CTSO: variants seen among roughly 807,000 people sequenced by gnomAD.
CTSO encodes the protein cathepsin O.
In CTSO, 40 loss-of-function variants were observed where a neutral mutation model predicts 42.4. The observed-to-expected ratio is 0.94, with a 90% CI of 0.73 to 1.23. The LOEUF is 1.23. CTSO is among the 50% of genes most tolerant of loss of function. The pLI, the probability that CTSO is intolerant of heterozygous loss-of-function variation, is 0.00. For synonymous variants in CTSO, 156 were observed against 146.2 expected, an observed-to-expected ratio of 1.07 and a Z score of -0.48; for missense variants, 441 against 396.0, an observed-to-expected ratio of 1.11 and a Z score of -0.96.
rs202122104 is a variant in CTSO at position 155,942,434 on chromosome 4, A to C, written c.267T>G (p.Pro89=). The C allele has an allele frequency of 6.5e-7, 1 of 1,548,106 alleles. No homozygotes were observed. Among genetic ancestry groups the C allele is most frequent in the Non-Finnish European group, 8.7e-7 (1 of 1,148,402 alleles). The stretch of plus-strand genomic sequence containing the variant: ...CTGCTGAGTATCTGGGAAACTTGGA[A>C]GGTTTGCTTCTTAAATAAATGGCTG... ...EFKAIYLRSK[P]SKFPRYSAEV... The change falls in exon 3 of 8, where the codon CCT becomes CCG. Residue 89 remains proline, a synonymous_variant. Coordinates refer to ENST00000433477, the MANE Select transcript of CTSO (RefSeq NM_001334.3).
chr4:155,943,146 C>G lies in CTSO; in HGVS notation c.244+10G>C. 6.6e-7 allele frequency: 1 copy of G among 1,524,700 alleles called. No homozygotes were observed. The highest frequency in any genetic ancestry group is 9.0e-7 in the Non-Finnish European group (1 of 1,112,064). The allele number at this position is 1,524,700 out of a possible 1,614,324, so 94.4% of individuals were successfully genotyped here. On this transcript the variant is annotated intron_variant, in intron 2 of 7. Transcript: ENST00000433477. ...CAGGAAACCACCTAAATAGCAACAT[C>G]GGACTATACCTTTAAACTCTTCAGG...
intron 7 of CTSO, 56 bp downstream of exon 7, chr4:155,928,280 T>C: frequency 7.7e-7 from 1 of 1,298,930 alleles, no homozygotes. Context: ...TCTAAAATAT[T>C]CAAATAATCT....
Position 155,924,242 on chromosome 4 carries a change from A to G in CTSO, c.*1794T>C, listed in dbSNP as rs893503788. 6.6e-6 allele frequency: 1 copy of G among 152,154 alleles called. No homozygotes were observed. Among genetic ancestry groups the G allele is most frequent in the African/African-American group, 2.4e-5 (1 of 41,448 alleles). The allele number at this position is 152,154 out of a possible 1,614,324, so 9.4% of individuals were successfully genotyped here. On this transcript the variant is annotated 3_prime_UTR_variant, in exon 8 of 8. Transcript: ENST00000433477. ...CCTTTAGCACTTGAAAAAGAGTATT[A>G]CAAATGCATCTATATCACATAGAAA...
At chr4:155,940,514 A>C (rs541104247) in intron 3 of CTSO, among the ~76,000 whole-genome samples, 1 of 152,208 alleles carries the variant, frequency 6.6e-6, no homozygotes, top group Non-Finnish European at 1.5e-5. Flanking sequence ...GGCATAGTAA[A>C]AACACTCACT....
Position 155,953,729 on chromosome 4 carries a change from T to G in CTSO, c.119A>C (p.Glu40Ala), listed in dbSNP as rs1262496927. ...TPTWPRSRER[E>A]AAAFRESLNR... ...GCTCGGTACCCGGAAGGCGGCGGCT[T>G]CACGCTCGCGGCTCCGCGGCCAGGT... is the stretch of plus-strand genomic sequence containing the variant. Residue 40 changes from glutamate (E) to alanine (A), a missense_variant, in exon 1 of 8, where the codon GAA (glutamate) becomes GCA (alanine). By Grantham distance (107) the Glu-to-Ala change is moderately radical (BLOSUM62 -1). Coordinates refer to ENST00000433477, the MANE Select transcript of CTSO (RefSeq NM_001334.3). 3 of 1,271,320 alleles carry G rather than the reference T, an allele frequency of 2.4e-6. No individual in the cohort carries two copies. In the African/African-American group the frequency reaches 4.6e-5, roughly 20 times the overall value. 78.8% of individuals were successfully genotyped at this position (1,271,320 alleles called of 1,614,324 possible). A position where few individuals can be genotyped will look rare whatever the true frequency, so the allele number is the denominator to read the frequency against.
intron 1 of CTSO, among the ~76,000 whole-genome samples, chr4:155,946,501 T>C (rs185728476): frequency 8.5e-5 from 13 of 152,344 alleles, no homozygotes; most frequent in African/African-American, 3.1e-4. Flanking sequence ...ATATATTTTC[T>C]ATTTGTTACC....
Position 155,929,716 on chromosome 4 carries a change from A to G in CTSO, c.675-11T>C. 3 of 1,598,416 alleles carry G rather than the reference A, an allele frequency of 1.9e-6. No individual in the cohort carries two copies. Among genetic ancestry groups the G allele is most frequent in the Non-Finnish European group, 2.6e-6 (3 of 1,174,980 alleles). On this transcript the variant is annotated splice_polypyrimidine_tract_variant and intron_variant, in intron 5 of 7. Transcript: ENST00000433477. ...TCATCTTCTTGGTCACTACCAAAAG[A>G]GGAAATATTTGGTTAGAAAATTTAG...
intron 5 of CTSO, among the ~76,000 whole-genome samples, chr4:155,936,874 T>C (rs1334639020): frequency 6.6e-6 from 1 of 152,204 alleles, no homozygotes; most frequent in Non-Finnish European, 1.5e-5. Context: ...GCTGATGTCT[T>C]GAAAAATGCA....
At chr4:155,933,387 C>T (rs908999074) in intron 5 of CTSO, among the ~76,000 whole-genome samples, 1 of 152,108 alleles carries the variant, frequency 6.6e-6, no homozygotes, top group African/African-American at 2.4e-5. Flanking sequence ...TTAAACCTTT[C>T]TCTTCCCAGT....
intron 2 of CTSO, among the ~76,000 whole-genome samples, chr4:155,942,697 G>A (rs78561730): frequency 0.069 from 10,450 of 151,814 alleles, 501 homozygotes; most frequent in South Asian, 0.17. Context: ...ATTTTCTCTT[G>A]TGCTTTTCTA....
intron 1 of CTSO, 67 bp downstream of exon 1, chr4:155,953,646 G>A: frequency 1.6e-6 from 2 of 1,230,320 alleles, no homozygotes; most frequent in Non-Finnish European, 2.0e-6. Flanking sequence ...GCCCTCTTCC[G>A]CAGCCCAGAC....
chr4:155,950,350 T>C (rs1039560619), intron 1 of CTSO, among the ~76,000 whole-genome samples: 2 of 152,234 alleles, frequency 1.3e-5, no homozygotes, highest in Non-Finnish European at 2.9e-5. Flanking sequence ...TTCTCCACTG[T>C]ATCCCTCAGA....
chr4:155,937,268 G>A lies in CTSO; in HGVS notation c.674+94C>T, dbSNP rs1022045600. On this transcript the variant is annotated intron_variant, in intron 5 of 7. Transcript: ENST00000433477. ...AAAGTATGTTTTACAAGGATTAAGAGTATGCAGTGATGCCTTCAAACAAAT... is the reference window on the plus strand; with the variant it reads ...AAAGTATGTTTTACAAGGATTAAGAATATGCAGTGATGCCTTCAAACAAAT... 2.7e-5 allele frequency: 24 copies of A among 891,230 alleles called. No individual in the cohort carries two copies. The African/African-American group carries it at 3.2e-4, about 12-fold the overall frequency. 55.2% of individuals were successfully genotyped at this position (891,230 alleles called of 1,614,324 possible).
chr4:155,939,431 C>CGTT lies in CTSO; in HGVS notation c.491_492insAAC (p.Ser164_Tyr165insThr). 1 of 1,614,068 alleles carries CGTT rather than the reference C, an allele frequency of 6.2e-7. No homozygotes were observed. Among genetic ancestry groups the CGTT allele is most frequent in the Non-Finnish European group, 8.5e-7 (1 of 1,179,958 alleles). On this transcript the variant is annotated inframe_insertion, in exon 4 of 8. Transcript: ENST00000433477. Reference sequence around the variant, plus strand: ...CTCCATTGCAGCCATAATTATTATACGAACAGTCAATGACCTGCTGGACAC... The same window carrying CGTT: ...CTCCATTGCAGCCATAATTATTATACGTTGAACAGTCAATGACCTGCTGGACAC...
intron 5 of CTSO, among the ~76,000 whole-genome samples, chr4:155,934,233 T>C (rs1316422702): frequency 6.6e-6 from 1 of 152,062 alleles, no homozygotes; most frequent in Non-Finnish European, 1.5e-5. Flanking sequence ...GCAGCTTCCA[T>C]TTGGGGTTGA....
At chr4:155,935,428 T>C (rs1743312766) in intron 5 of CTSO, among the ~76,000 whole-genome samples, 1 of 152,038 alleles carries the variant, frequency 6.6e-6, no homozygotes, top group Non-Finnish European at 1.5e-5. Context: ...CCAGACATGT[T>C]TTTGCCTCAC....
In CTSO at chr4:155,929,846, A is replaced by G. The variant is rs1743203885; in HGVS notation, c.675-141T>C. The G allele has an allele frequency of 1.7e-5, 12 of 692,494 alleles. No homozygotes were observed. The South Asian group carries it at 2.7e-4, about 15-fold the overall frequency. 42.9% of individuals were successfully genotyped at this position (692,494 alleles called of 1,614,324 possible). A position where few individuals can be genotyped will look rare whatever the true frequency, so the allele number is the denominator to read the frequency against. ...AAACAATGGAAGCTAAGTCTGAGAG[A>G]CTGGTAGTCTATGGCTGGGATAGGG... On this transcript the variant is annotated intron_variant, in intron 5 of 7. Transcript: ENST00000433477.
At chr4:155,947,506 C>T (rs1743570372) in intron 1 of CTSO, among the ~76,000 whole-genome samples, 1 of 152,076 alleles carries the variant, frequency 6.6e-6, no homozygotes, top group African/African-American at 2.4e-5. Context: ...CAATCTGTTG[C>T]TTTCATGGTA....
At chr4:155,930,683 C>A (rs1161988593) in intron 5 of CTSO, among the ~76,000 whole-genome samples, 2 of 152,146 alleles carry the variant, frequency 1.3e-5, no homozygotes, top group African/African-American at 4.8e-5. Flanking sequence ...AATAATCTTT[C>A]ATGACGACCA....
Sources: gnomAD v4.1 joint callset for allele counts (sites outside exome capture counted in the v4.1 genomes callset) on GRCh38, gnomAD v4.1.1 for gene constraint, MANE v1.5 for transcripts, NCBI Gene and HGNC (gene_info 2026-07-23, HGNC 2026-07-21) for gene names.